CNBD1: variants seen among roughly 807,000 people sequenced by gnomAD.
CNBD1 encodes cyclic nucleotide binding domain containing 1.
Under a neutral mutation model 54.4 loss-of-function variants are expected in CNBD1, and 71 were observed. That is an observed-to-expected ratio of 1.30 (90% confidence interval 1.08 to 1.59). CNBD1 has a LOEUF of 1.59. Among genes scored for constraint, CNBD1 ranks in the 40% most tolerant of loss-of-function variants. CNBD1 has a pLI of 0.00. For synonymous variants in CNBD1, 182 were observed against 170.7 expected, an observed-to-expected ratio of 1.07 and a Z score of -0.51; for missense variants, 659 against 518.0, an observed-to-expected ratio of 1.27 and a Z score of -2.64.
intron 4 of CNBD1, among the ~76,000 whole-genome samples, chr8:87,185,179 A>G (rs946552504): frequency 1.3e-5 from 2 of 152,182 alleles, no homozygotes; most frequent in East Asian, 3.9e-4. Context: ...AAGAATGTAT[A>G]TTCTGCTCTT....
chr8:87,425,335 C>T (rs528902144), intron 2 of CNBD1, among the ~76,000 whole-genome samples: 21 of 152,322 alleles, frequency 1.4e-4, no homozygotes, highest in Middle Eastern at 3.4e-3. Flanking sequence ...AGTCATTCTC[C>T]GTCCAGCTTT....
At chr8:87,294,352 C>A (rs944879384) in intron 8 of CNBD1, among the ~76,000 whole-genome samples, 1 of 152,172 alleles carries the variant, frequency 6.6e-6, no homozygotes, top group Non-Finnish European at 1.5e-5. Flanking sequence ...CAGATCTCTA[C>A]CAGAGTGCTC....
Position 87,203,979 on chromosome 8 carries a change from C to A in CNBD1, c.432-2014C>A, listed in dbSNP as rs188256042. ...AGTACTGGAAGTTTTAAAAATTAGACCTTAGATCTGTTTTTTGGGAGGAAC... is the reference window on the plus strand; with the variant it reads ...AGTACTGGAAGTTTTAAAAATTAGAACTTAGATCTGTTTTTTGGGAGGAAC... On this transcript the variant is annotated intron_variant, in intron 4 of 10. Coordinates refer to ENST00000518476, the MANE Select transcript of CNBD1 (RefSeq NM_173538.3). Among the ~76,000 whole-genome samples the A allele has an allele frequency of 3.0e-4, 46 of 152,240 alleles. 1 individual carries two copies. Among genetic ancestry groups the A allele is most frequent in the Non-Finnish European group, 6.2e-4 (42 of 68,012 alleles).
intron 2 of CNBD1, among the ~76,000 whole-genome samples, chr8:87,389,580 C>A (rs1811265310): frequency 6.6e-6 from 1 of 152,042 alleles, no homozygotes; most frequent in African/African-American, 2.4e-5. Flanking sequence ...AACTACAAAC[C>A]ACTGCTCGAA....
At chr8:87,410,458 A>C (rs919298923) in intron 2 of CNBD1, among the ~76,000 whole-genome samples, 3 of 152,110 alleles carry the variant, frequency 2.0e-5, no homozygotes, top group African/African-American at 7.2e-5. Context: ...GGAGTAACTA[A>C]ATTGCTGCAA....
At chr8:87,240,745 A>G (rs932368915) in intron 6 of CNBD1, among the ~76,000 whole-genome samples, 34 of 152,142 alleles carry the variant, frequency 2.2e-4, no homozygotes, top group African/African-American at 8.2e-4. Context: ...ATGGGACCTT[A>G]TGTGATTGGA....
chr8:87,283,790 C>G (rs1308279099), intron 6 of CNBD1, among the ~76,000 whole-genome samples: 1 of 152,030 alleles, frequency 6.6e-6, no homozygotes, highest in Admixed American at 6.6e-5. Flanking sequence ...GCTCTGAGTC[C>G]CATCTCCTGT....
intron 4 of CNBD1, among the ~76,000 whole-genome samples, chr8:87,140,153 A>G (rs1437746944): frequency 6.6e-6 from 1 of 152,128 alleles, no homozygotes; most frequent in Non-Finnish European, 1.5e-5. Flanking sequence ...TTTATTGCCA[A>G]CAACATGTTA....
chr8:87,261,266 G>T (rs1808135417), intron 6 of CNBD1, among the ~76,000 whole-genome samples: 1 of 152,130 alleles, frequency 6.6e-6, no homozygotes, highest in East Asian at 1.9e-4. Flanking sequence ...GCTTACCCAC[G>T]ATCCCCAGCT....
chr8:87,330,668 T>C (rs927205326), intron 8 of CNBD1, among the ~76,000 whole-genome samples: 2 of 152,160 alleles, frequency 1.3e-5, no homozygotes, highest in African/African-American at 4.8e-5. Flanking sequence ...TGATTTCTTT[T>C]CTTTCACATT....
chr8:86,882,910 A>G (rs1236719397), intron 1 of CNBD1, among the ~76,000 whole-genome samples: 1 of 152,144 alleles, frequency 6.6e-6, no homozygotes, highest in Non-Finnish European at 1.5e-5. Flanking sequence ...CTTAGCAAAC[A>G]AACTCAGGAA....
intron 4 of CNBD1, among the ~76,000 whole-genome samples, chr8:86,973,913 C>T (rs573662571): frequency 2.0e-5 from 3 of 152,094 alleles, no homozygotes; most frequent in South Asian, 4.1e-4. Flanking sequence ...TGATTTTCTC[C>T]AGTGCTCACA....
At chr8:87,081,923 A>G (rs2130666502) in intron 4 of CNBD1, among the ~76,000 whole-genome samples, 1 of 152,256 alleles carries the variant, frequency 6.6e-6, no homozygotes, top group Non-Finnish European at 1.5e-5. Context: ...ATAGAGGATT[A>G]ATTGTAGTTT....
chr8:86,929,602 C>A (rs193175930), intron 3 of CNBD1, among the ~76,000 whole-genome samples: 1 of 152,298 alleles, frequency 6.6e-6, no homozygotes, highest in East Asian at 1.9e-4. Flanking sequence ...ATTGGTTCCC[C>A]ATCCTCTGGG....
rs79077046 is a variant in CNBD1, at chr8:87,129,841, A to G, written c.432-76152A>G. On this transcript the variant is annotated intron_variant, in intron 4 of 10. Coordinates refer to ENST00000518476, the MANE Select transcript of CNBD1 (RefSeq NM_173538.3). The stretch of plus-strand genomic sequence containing the variant: ...TGTTATTGTATTAGTCCATTCTCAC[A>G]CTGCTGATAAAGACATACCCAAGAC... Among the ~76,000 whole-genome samples the G allele has an allele frequency of 4.4e-3, 669 of 152,234 alleles. 5 individuals are homozygous for G. The highest frequency in any genetic ancestry group is 0.015 in the African/African-American group (634 of 41,526).
chr8:87,374,564 A>C (rs1810886380), intron 10 of CNBD1, among the ~76,000 whole-genome samples: 1 of 151,808 alleles, frequency 6.6e-6, no homozygotes, highest in African/African-American at 2.4e-5. Flanking sequence ...GAGACTGAAC[A>C]ACTCTCTCTT....
intron 4 of CNBD1, among the ~76,000 whole-genome samples, chr8:87,178,649 G>A (rs1028748940): frequency 6.6e-6 from 1 of 152,200 alleles, no homozygotes; most frequent in African/African-American, 2.4e-5. Context: ...GAGCAAAGGT[G>A]TAAACAGAGG....
chr8:87,387,992 C>T (rs1017119846), intron 2 of CNBD1, among the ~76,000 whole-genome samples: 1 of 152,162 alleles, frequency 6.6e-6, no homozygotes, highest in Non-Finnish European at 1.5e-5. Context: ...GAACAACCTG[C>T]TCCTGAATGA....
At chr8:87,207,529 A>G (rs1255978911) in intron 5 of CNBD1, among the ~76,000 whole-genome samples, 2 of 152,096 alleles carry the variant, frequency 1.3e-5, no homozygotes, top group African/African-American at 4.8e-5. Flanking sequence ...ACATTTCAAA[A>G]ATACATATTT....
Sources: allele counts gnomAD v4.1 joint callset (sites outside exome capture counted in the v4.1 genomes callset), GRCh38; gene constraint gnomAD v4.1.1; transcripts MANE v1.5; gene names NCBI Gene and HGNC (gene_info 2026-07-23, HGNC 2026-07-21).